TF: variants seen among roughly 807,000 people sequenced by gnomAD.
The protein encoded by TF is transferrin, also known as serotransferrin.
A neutral mutation model predicts 82.4 loss-of-function variants in TF; 55 were observed. The ratio of observed to expected loss-of-function variants is 0.67; its 90% CI spans 0.54 to 0.84. TF has a LOEUF of 0.84. TF is among the 40% of genes least tolerant of loss of function. The pLI, the probability that TF is intolerant of heterozygous loss-of-function variation, is 0.00. For missense variants in TF, 737 were observed against 868.4 expected (o/e 0.85, Z 1.90); for synonymous variants, 332 against 332.6 (o/e 1.00, Z 0.02).
At chr3:133,690,591 G>A in the TF span, among the ~76,000 whole-genome samples, 1 of 152,134 alleles carries the variant, frequency 6.6e-6, no homozygotes, top group African/African-American at 2.4e-5. Flanking sequence ...ATCTATTTTT[G>A]TAATGTGTGT....
the TF span, chr3:133,699,340 T>C: frequency 0.014 from 7,750 of 563,268 alleles, 511 homozygotes; most frequent in African/African-American, 0.13. Flanking sequence ...TCTCCCTCAG[T>C]CCTCTTCAGG....
the TF span, among the ~76,000 whole-genome samples, chr3:133,671,896 A>G: frequency 4.6e-5 from 7 of 152,124 alleles, no homozygotes; most frequent in East Asian, 1.3e-3. Flanking sequence ...AGCAGAAATC[A>G]ATGAAACAAT....
chr3:133,767,938 T>C (rs2107927093), intron 12 of TF, 91 bp from the exon 13 acceptor site: 2 of 1,499,634 alleles, frequency 1.3e-6, no homozygotes, highest in Non-Finnish European at 1.9e-6. Context: ...ATGTTCTACT[T>C]ATTATGGGCC....
At chr3:133,680,412 C>A in the TF span, among the ~76,000 whole-genome samples, 1 of 152,122 alleles carries the variant, frequency 6.6e-6, no homozygotes, top group Non-Finnish European at 1.5e-5. Flanking sequence ...CTATGTTGCC[C>A]AGGCTGGTCT....
intron 2 of TF, among the ~76,000 whole-genome samples, chr3:133,749,764 G>C (rs1281479091): frequency 6.6e-5 from 10 of 152,238 alleles, no homozygotes; most frequent in Admixed American, 6.5e-4. Context: ...CCAGATATTA[G>C]TTTAGGCAGT....
chr3:133,778,132 T>C (rs990552194), intron 16 of TF: 1 of 172,956 alleles, frequency 5.8e-6, no homozygotes, highest in Non-Finnish European at 1.3e-5. Context: ...CAAGTTGATA[T>C]TTACCTAACC....
the TF span, among the ~76,000 whole-genome samples, chr3:133,733,050 A>C: frequency 6.6e-6 from 1 of 152,190 alleles, no homozygotes; most frequent in African/African-American, 2.4e-5. Context: ...ACTTCTACCA[A>C]CGCTATGTTC....
the TF span, among the ~76,000 whole-genome samples, chr3:133,716,860 A>G: frequency 6.6e-6 from 1 of 152,090 alleles, no homozygotes; most frequent in Non-Finnish European, 1.5e-5. Flanking sequence ...TCAGCTTGGC[A>G]TCTCGGCTGT....
intron 5 of TF, chr3:133,755,713 G>A (rs1031766133): frequency 1.6e-6 from 1 of 626,128 alleles, no homozygotes; most frequent in African/African-American, 1.8e-5. Flanking sequence ...TTTTCCTGGG[G>A]ACCCTTCCTT....
the TF span, among the ~76,000 whole-genome samples, chr3:133,728,038 G>A: frequency 2.0e-5 from 3 of 152,300 alleles, no homozygotes; most frequent in Non-Finnish European, 2.9e-5. Context: ...TTTGTCTGAC[G>A]GGCTTCCCTT....
intron 11 of TF, among the ~76,000 whole-genome samples, chr3:133,765,585 A>T (rs1360564118): frequency 6.6e-6 from 1 of 152,142 alleles, no homozygotes; most frequent in African/African-American, 2.4e-5. Context: ...ACTGATTATA[A>T]CCTCCCAGCC....
At chr3:133,704,810 G>A in the TF span, among the ~76,000 whole-genome samples, 3 of 151,266 alleles carry the variant, frequency 2.0e-5, no homozygotes, top group Non-Finnish European at 1.5e-5. Flanking sequence ...GCAAGGTCAT[G>A]TTCTTTAGTG....
rs1293493340 is a variant in TF at position 133,759,231 on chromosome 3, C to G, written c.1105C>G (p.His369Asp). 5 of 1,614,078 alleles carry G rather than the reference C, an allele frequency of 3.1e-6. No individual in the cohort carries two copies. Among genetic ancestry groups the G allele is most frequent in the Non-Finnish European group, 4.2e-6 (5 of 1,180,008 alleles). The change falls in exon 9 of 17, where the codon CAC becomes GAC. Residue 369 changes from histidine to aspartate, a missense_variant. By Grantham distance (81) the His-to-Asp change is moderately conservative. Transcript: ENST00000402696. ...TGTGAAGTGGTGTGCGCTGAGCCAC[C>G]ACGAGAGGCTCAAGTGTGATGAGTG... ...KPVKWCALSH[H>D]ERLKCDEWSV...
rs541019848 is a variant in TF at position 133,748,526 on chromosome 3, G to T, written c.158G>T (p.Gly53Val). Reference sequence around the variant, plus strand: ...ATGAAAAGCGTCATTCCATCCGATGGTCCCAGTGTTGCTTGTGTGAAGAAA... The same window carrying T: ...ATGAAAAGCGTCATTCCATCCGATGTTCCCAGTGTTGCTTGTGTGAAGAAA... ...DHMKSVIPSD[G>V]PSVACVKKAS... The change falls in exon 2 of 17, where the codon GGT becomes GTT. Residue 53 changes from glycine (G) to valine (V), a missense_variant. Physicochemically the swap from Gly to Val is moderately radical, Grantham distance 109. Transcript: ENST00000402696. 6.2e-6 allele frequency: 10 copies of T among 1,614,116 alleles called. No individual in the cohort carries two copies. The African/African-American group carries it at 1.1e-4, about 17-fold the overall frequency.
chr3:133,755,936 AC>A (rs1359038835), intron 5 of TF: 4 of 440,682 alleles, frequency 9.1e-6, no homozygotes, highest in African/African-American at 7.9e-5. Context: ...TTCTCTTTTT[AC>A]CTTGATTATA....
intron 14 of TF, among the ~76,000 whole-genome samples, chr3:133,772,047 T>C (rs571502621): frequency 1.3e-5 from 2 of 152,284 alleles, no homozygotes; most frequent in South Asian, 2.1e-4. Context: ...TGGCATACCC[T>C]GTCCTACAAG....
rs1422219235 is a variant in TF at position 133,790,293 on chromosome 3, T to G, written c.*11673T>G. The G allele has an allele frequency of 2.0e-5, 3 of 152,212 alleles. No homozygotes were observed. The highest frequency in any genetic ancestry group is 7.2e-5 in the African/African-American group (3 of 41,452). The allele number at this position is 152,212 out of a possible 1,614,324, so 9.4% of individuals were successfully genotyped here. On this transcript the variant is annotated 3_prime_UTR_variant, in exon 17 of 17. Transcript: ENST00000402696. ...ACTATAAATTCCCATATCTGATAGTTCAGGATTTCTAGCTTTTTAGCGTTT... is the reference window on the plus strand; with the variant it reads ...ACTATAAATTCCCATATCTGATAGTGCAGGATTTCTAGCTTTTTAGCGTTT...
At chr3:133,690,519 T>G in the TF span, among the ~76,000 whole-genome samples, 1 of 152,238 alleles carries the variant, frequency 6.6e-6, no homozygotes, top group Non-Finnish European at 1.5e-5. Flanking sequence ...CATTTCTATA[T>G]CATTTCTGGA....
the TF span, among the ~76,000 whole-genome samples, chr3:133,703,497 A>G: frequency 2.0e-5 from 3 of 152,226 alleles, no homozygotes; most frequent in African/African-American, 7.2e-5. Flanking sequence ...AAATTCTAGT[A>G]TCTAGCTTAT....
Sources: gnomAD v4.1 joint callset for allele counts (sites outside exome capture counted in the v4.1 genomes callset) on GRCh38, gnomAD v4.1.1 for gene constraint, MANE v1.5 for transcripts, NCBI Gene and HGNC (gene_info 2026-07-23, HGNC 2026-07-21) for gene names.